The following AGBL1 variants were observed in gnomAD, a reference collection of about 807,000 sequenced individuals.
AGBL1 encodes cytosolic carboxypeptidase 4.
AGBL1 carries 130 observed loss-of-function variants against 118.9 expected under a neutral mutation model. The ratio of observed to expected loss-of-function variants is 1.09; its 90% confidence interval spans 0.95 to 1.26. The LOEUF (loss-of-function observed/expected upper bound fraction) is 1.26. Among genes scored for constraint, AGBL1 ranks in the 50% most tolerant of loss-of-function variants. The probability of loss-of-function intolerance (pLI) is 0.00; values close to 1 mark genes in which losing one functional copy is unlikely to be tolerated. For synonymous variants in AGBL1, 555 were observed against 478.9 expected, an observed-to-expected ratio of 1.16 and a Z score of -2.08; for missense variants, 1,584 against 1,298.1, an observed-to-expected ratio of 1.22 and a Z score of -3.38.
chr15:86,825,794 T>G (rs1284977484), intron 22 of AGBL1, among the ~76,000 whole-genome samples: 1 of 151,710 alleles, frequency 6.6e-6, no homozygotes, highest in Admixed American at 6.6e-5. Flanking sequence ...GGCTACTTTT[T>G]TTTTAAGTGA....
intron 5 of AGBL1, among the ~76,000 whole-genome samples, chr15:86,170,388 T>A (rs1180025198): frequency 1.3e-5 from 2 of 151,980 alleles, no homozygotes; most frequent in Non-Finnish European, 2.9e-5. Context: ...CCAGTACATA[T>A]AATTTGAGCC....
chr15:86,888,837 A>G (rs576468670), intron 22 of AGBL1, among the ~76,000 whole-genome samples: 129 of 152,290 alleles, frequency 8.5e-4, no homozygotes, highest in African/African-American at 3.0e-3. Context: ...AGAAAGAGAA[A>G]GCTGCAGAGG....
intron 5 of AGBL1, among the ~76,000 whole-genome samples, chr15:86,177,891 A>G (rs1347573657): frequency 6.6e-6 from 1 of 152,196 alleles, no homozygotes; most frequent in Non-Finnish European, 1.5e-5. Flanking sequence ...TAAAAAGAAG[A>G]CTGAAATATA....
intron 19 of AGBL1, among the ~76,000 whole-genome samples, chr15:86,535,789 A>G (rs2083417925): frequency 6.6e-6 from 1 of 152,224 alleles, no homozygotes; most frequent in Non-Finnish European, 1.5e-5. Context: ...GGAGATGAAA[A>G]AAAGGATGGC....
At chr15:86,512,476 C>T (rs922894745) in intron 18 of AGBL1, among the ~76,000 whole-genome samples, 2 of 151,664 alleles carry the variant, frequency 1.3e-5, no homozygotes, top group Non-Finnish European at 1.5e-5. Flanking sequence ...TCTTTTGAAA[C>T]ATTGTCCTCA....
intron 21 of AGBL1, among the ~76,000 whole-genome samples, chr15:86,647,506 GC>G (rs1478469354): frequency 2.6e-5 from 4 of 152,166 alleles, no homozygotes; most frequent in Non-Finnish European, 4.4e-5. Context: ...TTTGAAACCA[GC>G]CTGCCCAACA....
chr15:86,975,492 G>C (rs2081167168), intron 23 of AGBL1, among the ~76,000 whole-genome samples: 1 of 152,150 alleles, frequency 6.6e-6, no homozygotes, highest in South Asian at 2.1e-4. Context: ...ATTCAAGATG[G>C]GAATTGGGTA....
intron 19 of AGBL1, among the ~76,000 whole-genome samples, chr15:86,536,704 A>C (rs1017937041): frequency 3.9e-5 from 6 of 152,182 alleles, no homozygotes; most frequent in African/African-American, 1.4e-4. Flanking sequence ...AATGGAATGA[A>C]ATGAGGAGAT....
At chr15:86,760,664 G>T (rs890919056) in intron 22 of AGBL1, among the ~76,000 whole-genome samples, 1 of 152,066 alleles carries the variant, frequency 6.6e-6, no homozygotes, top group Non-Finnish European at 1.5e-5. Flanking sequence ...TCTGCAAAAA[G>T]AAATAACTTG....
chr15:86,807,818 A>T (rs1272766763), intron 22 of AGBL1, among the ~76,000 whole-genome samples: 1 of 152,172 alleles, frequency 6.6e-6, no homozygotes, highest in Non-Finnish European at 1.5e-5. Context: ...CACTTTTGTT[A>T]TCAAATAAAA....
chr15:86,391,753 G>T (rs1419160158), intron 17 of AGBL1, among the ~76,000 whole-genome samples: 6 of 125,286 alleles, frequency 4.8e-5, no homozygotes, highest in African/African-American at 1.8e-4. Context: ...CTTAGTTTTT[G>T]TACCTTCATT....
intron 23 of AGBL1, chr15:86,987,850 G>C: frequency 1.2e-6 from 1 of 825,986 alleles, no homozygotes; most frequent in Non-Finnish European, 1.7e-6. Flanking sequence ...TTATGTTGCT[G>C]GTATCTTACT....
intron 18 of AGBL1, among the ~76,000 whole-genome samples, chr15:86,498,164 CTTATAA>C (rs2082876062): frequency 6.6e-6 from 1 of 151,866 alleles, no homozygotes; most frequent in Non-Finnish European, 1.5e-5. Flanking sequence ...AACACATTAA[CTTATAA>C]TTATAAATGG....
rs142036350 is a variant in AGBL1 at position 86,279,971 on chromosome 15, C to T, written c.2220+188C>T. Among the ~76,000 whole-genome samples the T allele has an allele frequency of 3.3e-5, 5 of 152,296 alleles. No homozygotes were observed. The East Asian group carries it at 9.7e-4, about 29-fold the overall frequency. On this transcript the variant is annotated intron_variant, in intron 16 of 22. Transcript: ENST00000614907. ...TGCTTTCTAATTGTCCCATCTCCTT[C>T]CCTGGACAGAGCACAAGGCTGAGCC... is the stretch of plus-strand genomic sequence containing the variant.
At chr15:86,805,301 G>A (rs1362084229) in intron 22 of AGBL1, among the ~76,000 whole-genome samples, 4 of 151,860 alleles carry the variant, frequency 2.6e-5, no homozygotes, top group Non-Finnish European at 4.4e-5. Flanking sequence ...TGACTTAACT[G>A]AGCAAGAGTG....
rs570984879 is a variant in AGBL1, at chr15:86,360,504, G to A, written c.2375-36862G>A. 2.0e-5 allele frequency among the ~76,000 whole-genome samples: 3 copies of A among 151,870 alleles called. No homozygotes were observed. In the East Asian group the frequency reaches 5.8e-4, roughly 29 times the overall value. ...TGTTCATCAGGGATGTTTGCTTATA[G>A]TTTTCTTTCCTTTTTGTCTCTTTGG... is the stretch of plus-strand genomic sequence containing the variant. On this transcript the variant is annotated intron_variant, in intron 17 of 22. Coordinates refer to ENST00000614907, the MANE Select transcript of AGBL1 (RefSeq NM_001386094.1).
At chr15:86,763,991 G>A (rs1018476945) in intron 22 of AGBL1, among the ~76,000 whole-genome samples, 10 of 151,940 alleles carry the variant, frequency 6.6e-5, no homozygotes, top group Admixed American at 6.6e-4. Flanking sequence ...ATGAAGTGAG[G>A]GACAAGTATT....
chr15:86,599,039 T>C (rs1343823916), intron 21 of AGBL1, among the ~76,000 whole-genome samples: 1 of 152,116 alleles, frequency 6.6e-6, no homozygotes, highest in Non-Finnish European at 1.5e-5. Flanking sequence ...TAATGTCTCT[T>C]TCAATGCTAA....
At chr15:86,472,105 TAG>T (rs1596157335) in intron 18 of AGBL1, among the ~76,000 whole-genome samples, 1 of 152,278 alleles carries the variant, frequency 6.6e-6, no homozygotes, top group East Asian at 1.9e-4. Context: ...GATCCTCCCC[TAG>T]AGAGTTTGGA....
Sources: gnomAD v4.1 joint callset for allele counts (sites outside exome capture counted in the v4.1 genomes callset) on GRCh38, gnomAD v4.1.1 for gene constraint, MANE v1.5 for transcripts, NCBI Gene and HGNC (gene_info 2026-07-23, HGNC 2026-07-21) for gene names.